The following DLGAP1 variants were observed in gnomAD, a reference collection of about 807,000 sequenced individuals.
DLGAP1 encodes disks large-associated protein 1.
In DLGAP1, 11 loss-of-function variants were observed where a neutral mutation model predicts 90.8. The ratio of observed to expected loss-of-function variants is 0.12; its 90% CI spans 0.08 to 0.20. DLGAP1 has a LOEUF of 0.20. Among genes scored for constraint, DLGAP1 ranks in the 10% least tolerant of loss-of-function variants. DLGAP1 has a pLI of 1.00. For missense variants in DLGAP1, 1,050 were observed against 1,333.8 expected (o/e 0.79, Z 3.31); for synonymous variants, 558 against 540.7 (o/e 1.03, Z -0.44).
chr18:4,343,039 G>A (rs2081227177), intron 1 of DLGAP1, among the ~76,000 whole-genome samples: 1 of 152,134 alleles, frequency 6.6e-6, no homozygotes, highest in African/African-American at 2.4e-5. Context: ...CGGGCGCGGT[G>A]GCTCATGCCT....
rs370383376 is a variant in DLGAP1 at position 3,653,541 on chromosome 18, C to A, written c.1592-71293G>T. On this transcript the variant is annotated intron_variant, in intron 7 of 12. Coordinates refer to ENST00000315677, the MANE Select transcript of DLGAP1 (RefSeq NM_004746.4). This position sits in a 1 kb window ranked among gnomAD's most constrained non-coding sequence, Gnocchi z 4.6. ...TTCTTTTTGCTGATTTAAAAAGCTG[C>A]TATGAAGCTGCACAGTGCGGAAGAG... The A allele has an allele frequency of 1.3e-5, 2 of 152,218 alleles. No homozygotes were observed. Among genetic ancestry groups the A allele is most frequent in the Admixed American group, 1.3e-4 (2 of 15,282 alleles). 9.4% of individuals were successfully genotyped at this position (152,218 alleles called of 1,614,324 possible).
intron 1 of DLGAP1, among the ~76,000 whole-genome samples, chr18:4,323,645 A>C (rs953904437): frequency 3.3e-5 from 5 of 152,090 alleles, no homozygotes; most frequent in Non-Finnish European, 5.9e-5. Flanking sequence ...AATTAAAAAA[A>C]CAAAACAAAA....
At chr18:3,688,661 ACACACACC>A (rs2060793155) in intron 7 of DLGAP1, among the ~76,000 whole-genome samples, 2 of 75,348 alleles carry the variant, frequency 2.7e-5, no homozygotes, top group East Asian at 9.6e-4. Context: ...ACACACACAC[ACACACACC>A]CTACCAAAAA....
At chr18:4,355,548 C>T (rs540664300) in intron 1 of DLGAP1, among the ~76,000 whole-genome samples, 6 of 152,154 alleles carry the variant, frequency 3.9e-5, no homozygotes, top group Middle Eastern at 3.4e-3. Context: ...GATCTACATA[C>T]GTGATAAAAT....
intron 4 of DLGAP1, among the ~76,000 whole-genome samples, chr18:3,865,238 G>T (rs566896575): frequency 6.6e-6 from 1 of 152,272 alleles, no homozygotes; most frequent in East Asian, 1.9e-4. Flanking sequence ...GTGCATATTT[G>T]TCCGTAAGAA....
intron 1 of DLGAP1, among the ~76,000 whole-genome samples, chr18:4,174,143 T>C (rs1439529421): frequency 1.3e-5 from 2 of 152,004 alleles, no homozygotes; most frequent in African/African-American, 4.8e-5. Flanking sequence ...TAGTCCTAGG[T>C]GCCTGGGAAT....
At chr18:3,663,133 T>C (rs1362673320) in intron 7 of DLGAP1, among the ~76,000 whole-genome samples, 2 of 151,852 alleles carry the variant, frequency 1.3e-5, no homozygotes, top group Admixed American at 1.3e-4. Context: ...TAGCCGGGTG[T>C]GGTGGTGCAT....
intron 2 of DLGAP1, among the ~76,000 whole-genome samples, chr18:4,088,483 T>C (rs1349726725): frequency 6.6e-6 from 1 of 152,074 alleles, no homozygotes; most frequent in Non-Finnish European, 1.5e-5. Flanking sequence ...ATACATATCT[T>C]CAACTTTCCC....
chr18:3,838,411 A>G (rs1404007283), intron 4 of DLGAP1, among the ~76,000 whole-genome samples: 1 of 152,176 alleles, frequency 6.6e-6, no homozygotes, highest in African/African-American at 2.4e-5. Context: ...TGCTACACAT[A>G]TTTGTATCTC....
chr18:3,767,427 T>C (rs1020920111), intron 5 of DLGAP1, among the ~76,000 whole-genome samples: 1 of 151,804 alleles, frequency 6.6e-6, no homozygotes, highest in Non-Finnish European at 1.5e-5. Context: ...TACCCTAATA[T>C]CAAAAGCAGA....
chr18:3,730,325 A>G (rs1435908720), intron 6 of DLGAP1, among the ~76,000 whole-genome samples: 1 of 152,062 alleles, frequency 6.6e-6, no homozygotes, highest in Non-Finnish European at 1.5e-5. Context: ...AAAATTTGCT[A>G]CAGAAATATT....
intron 9 of DLGAP1, among the ~76,000 whole-genome samples, chr18:3,543,771 G>A (rs996750568): frequency 1.3e-5 from 2 of 152,170 alleles, no homozygotes; most frequent in African/African-American, 4.8e-5. Flanking sequence ...CCAGGGAGTG[G>A]TCCCCATGGG....
intron 2 of DLGAP1, among the ~76,000 whole-genome samples, chr18:4,067,088 T>C (rs1224607833): frequency 6.6e-6 from 1 of 151,962 alleles, no homozygotes; most frequent in Admixed American, 6.6e-5. Context: ...GAAAACCAAA[T>C]ACCACATGCT....
intron 3 of DLGAP1, among the ~76,000 whole-genome samples, chr18:3,957,678 CTAAA>C (rs1392416628): frequency 2.6e-5 from 4 of 152,062 alleles, no homozygotes; most frequent in Non-Finnish European, 4.4e-5. Flanking sequence ...TATTTACTTA[CTAAA>C]TAATTTAAAA....
At position 3,777,531 on chromosome 18, in the gene DLGAP1, C is replaced by G. The variant is rs192687680; in HGVS notation, c.1173-35019G>C. 7.9e-5 allele frequency among the ~76,000 whole-genome samples: 12 copies of G among 152,282 alleles called. No individual in the cohort carries two copies. The South Asian group carries it at 8.3e-4, about 11-fold the overall frequency. On this transcript the variant is annotated intron_variant, in intron 5 of 12. Transcript: ENST00000315677. ...ATATCTTAAAATAAATTTCTTAGAGCTCTGTTTGTTATTATTTCATATTGA... is the reference window on the plus strand; with the variant it reads ...ATATCTTAAAATAAATTTCTTAGAGGTCTGTTTGTTATTATTTCATATTGA...
At chr18:3,754,800 G>C (rs1251493791) in intron 5 of DLGAP1, among the ~76,000 whole-genome samples, 2 of 151,758 alleles carry the variant, frequency 1.3e-5, no homozygotes, top group Non-Finnish European at 2.9e-5. Context: ...GGAGGCTGAG[G>C]CAGGAGAATT....
At position 4,252,294 on chromosome 18, in the gene DLGAP1, G is replaced by A. The variant is rs150796561; in HGVS notation, c.-266-101007C>T. On this transcript the variant is annotated intron_variant, in intron 1 of 12. Coordinates refer to ENST00000315677, the MANE Select transcript of DLGAP1 (RefSeq NM_004746.4). The stretch of plus-strand genomic sequence containing the variant: ...CTCATTTTTGTAATTCTGAGGTTGT[G>A]AGAGTGTGAATGATATCTATTCACT... 5.1e-3 allele frequency among the ~76,000 whole-genome samples: 780 copies of A among 152,322 alleles called. 10 individuals carry two copies. The highest frequency in any genetic ancestry group is 0.018 in the African/African-American group (746 of 41,576).
At chr18:3,703,549 G>T (rs979473164) in intron 7 of DLGAP1, among the ~76,000 whole-genome samples, 1 of 152,232 alleles carries the variant, frequency 6.6e-6, no homozygotes, top group Non-Finnish European at 1.5e-5. Context: ...TGTGTTCAGA[G>T]GAGAGCGAGT....
chr18:4,049,916 A>G (rs1037445226), intron 2 of DLGAP1, among the ~76,000 whole-genome samples: 7 of 53,050 alleles, frequency 1.3e-4, no homozygotes, highest in African/African-American at 1.8e-4. Flanking sequence ...CCAACGGTCC[A>G]TCCATCCATC....
Sources: allele counts gnomAD v4.1 joint callset (sites outside exome capture counted in the v4.1 genomes callset), GRCh38; gene constraint gnomAD v4.1.1; non-coding constraint Gnocchi (gnomAD v3.1); transcripts MANE v1.5; gene names NCBI Gene and HGNC (gene_info 2026-07-23, HGNC 2026-07-21).